Variants in SUSD6 observed in about 807,000 individuals in gnomAD.
SUSD6 encodes the protein sushi domain containing 6, also known as sushi domain-containing protein 6.
Under a neutral mutation model 28.4 loss-of-function variants are expected in SUSD6, and 16 were observed. The observed-to-expected ratio is 0.56, with a 90% confidence interval of 0.38 to 0.86. The LOEUF is 0.86. Ranked by LOEUF, SUSD6 falls within the 40% of genes least tolerant of loss-of-function variation. SUSD6 has a pLI of 0.00. For missense variants in SUSD6, 341 were observed against 384.2 expected, an observed-to-expected ratio of 0.89 and a Z score of 0.94; for synonymous variants, 147 against 159.6, an observed-to-expected ratio of 0.92 and a Z score of 0.59.
At chr14:69,621,351 A>G (rs1366383218) in intron 1 of SUSD6, among the ~76,000 whole-genome samples, 1 of 152,226 alleles carries the variant, frequency 6.6e-6, no homozygotes, top group Non-Finnish European at 1.5e-5. Context: ...TGAAAAACAA[A>G]TATAAACAGG....
intron 1 of SUSD6, among the ~76,000 whole-genome samples, chr14:69,623,124 AG>A (rs990854430): frequency 1.7e-4 from 26 of 152,324 alleles, no homozygotes; most frequent in African/African-American, 6.3e-4. Flanking sequence ...TAACTTGCCA[AG>A]GAACAGCAAA....
Position 69,673,668 on chromosome 14 carries a change from G to A in SUSD6, c.121+14955G>A, listed in dbSNP as rs377173121. ...CAAGGAGCCAGACCTGGTGAGCCCCGGGGCTGGATCATTTTCATTTCCTAT... is the reference window on the plus strand; with the variant it reads ...CAAGGAGCCAGACCTGGTGAGCCCCAGGGCTGGATCATTTTCATTTCCTAT... On this transcript the variant is annotated intron_variant, in intron 2 of 5. Coordinates refer to ENST00000342745, the MANE Select transcript of SUSD6 (RefSeq NM_014734.4). Among the ~76,000 whole-genome samples the A allele has an allele frequency of 2.6e-5, 4 of 152,136 alleles. No homozygotes were observed. The East Asian group carries it at 5.8e-4, about 22-fold the overall frequency.
At chr14:69,710,516 C>G (rs1405194491) in intron 5 of SUSD6, among the ~76,000 whole-genome samples, 3 of 152,162 alleles carry the variant, frequency 2.0e-5, no homozygotes, top group African/African-American at 7.2e-5. Context: ...TGATAATACC[C>G]TAGGAAGTTG....
In SUSD6 at chr14:69,710,989, C is replaced by G; in HGVS notation, c.*10C>G. On this transcript the variant is annotated 3_prime_UTR_variant, in exon 6 of 6. Transcript: ENST00000342745. ...GTTGAAAGAAGCATGAGGGCAGCGG[C>G]CAGCCTTTCCTCTCTGCGAGGTTCT... is the stretch of plus-strand genomic sequence containing the variant. 1 of 1,613,840 alleles carries G rather than the reference C, an allele frequency of 6.2e-7. No individual in the cohort carries two copies. Among genetic ancestry groups the G allele is most frequent in the South Asian group, 1.1e-5 (1 of 91,072 alleles).
At chr14:69,653,992 A>G (rs140142882) in intron 1 of SUSD6, among the ~76,000 whole-genome samples, 2 of 151,934 alleles carry the variant, frequency 1.3e-5, no homozygotes, top group African/African-American at 4.8e-5. Context: ...TAAACACCCC[A>G]CTGACTACCT....
chr14:69,677,006 G>T (rs897319924), intron 2 of SUSD6, among the ~76,000 whole-genome samples: 9 of 152,220 alleles, frequency 5.9e-5, no homozygotes, highest in Non-Finnish European at 8.8e-5. Context: ...GTTGCAGAAA[G>T]CATTAGGAAC....
chr14:69,639,395 A>G (rs906075242), intron 1 of SUSD6, among the ~76,000 whole-genome samples: 10 of 149,924 alleles, frequency 6.7e-5, no homozygotes, highest in Non-Finnish European at 7.4e-5. Flanking sequence ...AAGAACTTTT[A>G]CTCTTTTCCA....
chr14:69,713,489 C>G lies in SUSD6; in HGVS notation c.*2510C>G, dbSNP rs1019889519. The G allele has an allele frequency of 6.6e-6, 1 of 152,332 alleles. No individual in the cohort carries two copies. 9.4% of individuals were successfully genotyped at this position (152,332 alleles called of 1,614,324 possible). The stretch of plus-strand genomic sequence containing the variant: ...CTGAAGTCTGTGACAGCTTCTTCCT[C>G]CAGTTATGTCTTTCTTCCAAAGCAA... On this transcript the variant is annotated 3_prime_UTR_variant, in exon 6 of 6. Coordinates refer to ENST00000342745, the MANE Select transcript of SUSD6 (RefSeq NM_014734.4).
intron 1 of SUSD6, among the ~76,000 whole-genome samples, chr14:69,657,465 C>A (rs553874881): frequency 3.4e-5 from 5 of 147,324 alleles, no homozygotes; most frequent in South Asian, 2.2e-4. Context: ...AAAAAAAAAA[C>A]AAAATCAGAT....
intron 2 of SUSD6, among the ~76,000 whole-genome samples, chr14:69,695,206 C>A (rs1381983144): frequency 6.6e-6 from 1 of 152,026 alleles, no homozygotes; most frequent in South Asian, 2.1e-4. Flanking sequence ...TTGGCGGGAT[C>A]GGGAAGCCAG....
At chr14:69,622,739 G>A (rs1010468356) in intron 1 of SUSD6, among the ~76,000 whole-genome samples, 10 of 152,138 alleles carry the variant, frequency 6.6e-5, no homozygotes, top group South Asian at 2.1e-4. Context: ...GATTACAGGC[G>A]CCCACCACCA....
At chr14:69,670,018 G>A (rs115337917) in intron 2 of SUSD6, among the ~76,000 whole-genome samples, 32 of 152,326 alleles carry the variant, frequency 2.1e-4, no homozygotes, top group African/African-American at 7.2e-4. Context: ...GTACATGAAC[G>A]CTATAGACCT....
At chr14:69,639,420 G>A (rs1885316732) in intron 1 of SUSD6, among the ~76,000 whole-genome samples, 5 of 151,984 alleles carry the variant, frequency 3.3e-5, no homozygotes, top group Admixed American at 3.3e-4. Flanking sequence ...ATTTTACTGA[G>A]GGGGAAATGG....
intron 2 of SUSD6, among the ~76,000 whole-genome samples, chr14:69,685,736 G>A (rs1046050802): frequency 2.0e-5 from 3 of 152,338 alleles, no homozygotes; most frequent in Admixed American, 6.5e-5. Context: ...TGCTAAACCC[G>A]TGGTGGGGGA....
At chr14:69,687,414 C>T (rs1387482013) in intron 2 of SUSD6, among the ~76,000 whole-genome samples, 3 of 152,226 alleles carry the variant, frequency 2.0e-5, no homozygotes, top group African/African-American at 7.2e-5. Flanking sequence ...CCCGGCCTAG[C>T]TTATGATTTT....
At chr14:69,703,813 T>C (rs941212374) in intron 3 of SUSD6, 2 of 589,864 alleles carry the variant, frequency 3.4e-6, no homozygotes, top group East Asian at 5.7e-5. Flanking sequence ...TCTGCCCTGC[T>C]CTGTAAAGCC....
intron 1 of SUSD6, among the ~76,000 whole-genome samples, chr14:69,643,061 G>T (rs370847311): frequency 6.6e-6 from 1 of 152,168 alleles, no homozygotes; most frequent in African/African-American, 2.4e-5. Flanking sequence ...AACTCTCAAG[G>T]GAGTTAAGTG....
intron 2 of SUSD6, among the ~76,000 whole-genome samples, chr14:69,697,301 G>A (rs899562365): frequency 2.0e-5 from 3 of 152,114 alleles, no homozygotes; most frequent in African/African-American, 7.2e-5. Flanking sequence ...GGTCTTTTGT[G>A]ACATGTATCT....
intron 2 of SUSD6, among the ~76,000 whole-genome samples, chr14:69,685,716 A>G (rs1269791246): frequency 6.6e-6 from 1 of 152,232 alleles, no homozygotes; most frequent in Non-Finnish European, 1.5e-5. Context: ...GGGTCAAGAA[A>G]TCTTAAATTT....
Sources: gnomAD v4.1 joint callset for allele counts (sites outside exome capture counted in the v4.1 genomes callset) on GRCh38, gnomAD v4.1.1 for gene constraint, MANE v1.5 for transcripts, NCBI Gene and HGNC (gene_info 2026-07-23, HGNC 2026-07-21) for gene names.